FHIT: variants seen among roughly 807,000 people sequenced by gnomAD.
The protein encoded by FHIT is fragile histidine triad diadenosine triphosphatase.
A neutral mutation model predicts 17.9 loss-of-function variants in FHIT; 19 were observed. That is an observed-to-expected ratio of 1.06 (90% CI 0.74 to 1.56). FHIT has a LOEUF of 1.56. Ranked by LOEUF, FHIT falls within the 40% of genes most tolerant of loss-of-function variation. The pLI is 0.00. For synonymous variants in FHIT, 81 were observed against 69.7 expected, an observed-to-expected ratio of 1.16 and a Z score of -0.81; for missense variants, 248 against 189.2, an observed-to-expected ratio of 1.31 and a Z score of -1.82.
chr3:60,131,030 T>C (rs202099110), intron 5 of FHIT, among the ~76,000 whole-genome samples: 3,123 of 71,592 alleles, frequency 0.044, 114 homozygotes, highest in South Asian at 0.058. Context: ...CATATATACA[T>C]ATGTGTATAT....
intron 5 of FHIT, among the ~76,000 whole-genome samples, chr3:60,014,489 T>C (rs1308838961): frequency 6.6e-6 from 1 of 152,210 alleles, no homozygotes; most frequent in Non-Finnish European, 1.5e-5. Context: ...ACCCCTATTC[T>C]AAAGCTGTGT....
chr3:60,011,460 C>G, intron 6 of FHIT, 60 bp from the exon 7 acceptor site: 1 of 1,331,384 alleles, frequency 7.5e-7, no homozygotes, highest in Admixed American at 1.7e-5. Flanking sequence ...CCTGCTTATT[C>G]AGAAATATCA....
intron 4 of FHIT, among the ~76,000 whole-genome samples, chr3:60,688,182 A>G (rs1553698871): frequency 6.6e-6 from 1 of 152,188 alleles, no homozygotes; most frequent in East Asian, 1.9e-4. Flanking sequence ...CAATGCTTTC[A>G]CATTTATATT....
chr3:60,377,178 T>C (rs914417383), intron 5 of FHIT, among the ~76,000 whole-genome samples: 3 of 151,364 alleles, frequency 2.0e-5, no homozygotes, highest in Admixed American at 6.6e-5. Flanking sequence ...CAGTTCTGTT[T>C]ACATGCAACA....
At chr3:61,212,152 A>T (rs561325349) in intron 1 of FHIT, among the ~76,000 whole-genome samples, 1 of 152,358 alleles carries the variant, frequency 6.6e-6, no homozygotes, top group Non-Finnish European at 1.5e-5. Context: ...GCTGGATGGA[A>T]AATGACTTTG....
intron 5 of FHIT, among the ~76,000 whole-genome samples, chr3:60,268,516 A>G (rs1402933605): frequency 2.0e-5 from 3 of 152,250 alleles, no homozygotes; most frequent in East Asian, 1.9e-4. Context: ...GAGACCAGGA[A>G]GCTGGACATT....
In FHIT at chr3:61,135,739, C is replaced by T. The variant is rs1288181650; in HGVS notation, c.-164+64878G>A. 2.6e-5 allele frequency among the ~76,000 whole-genome samples: 4 copies of T among 152,100 alleles called. No homozygotes were observed. The East Asian group carries it at 5.8e-4, about 22-fold the overall frequency. On this transcript the variant is annotated intron_variant, in intron 2 of 9. Coordinates refer to ENST00000492590, the MANE Select transcript of FHIT (RefSeq NM_002012.4). ...GCACTTCTAGACTCTTTAATGAATACATTTATTTAAATTTTAAAAAATTTA... is the reference window on the plus strand; with the variant it reads ...GCACTTCTAGACTCTTTAATGAATATATTTATTTAAATTTTAAAAAATTTA...
intron 5 of FHIT, among the ~76,000 whole-genome samples, chr3:60,277,595 G>A (rs541546247): frequency 2.6e-4 from 39 of 152,096 alleles, no homozygotes; most frequent in Non-Finnish European, 4.7e-4. Context: ...CAGCTTCCTC[G>A]CATGTTATGT....
intron 5 of FHIT, among the ~76,000 whole-genome samples, chr3:60,051,135 G>C (rs1701860338): frequency 6.6e-6 from 1 of 152,052 alleles, no homozygotes; most frequent in Non-Finnish European, 1.5e-5. Context: ...GTACCTAATG[G>C]GGCCTTTGAG....
intron 1 of FHIT, among the ~76,000 whole-genome samples, chr3:61,211,460 C>T (rs528190140): frequency 2.0e-4 from 30 of 152,362 alleles, no homozygotes; most frequent in Non-Finnish European, 4.3e-4. Context: ...GGAGGGGCGC[C>T]CGCCATTGCC....
intron 2 of FHIT, among the ~76,000 whole-genome samples, chr3:61,186,122 G>C (rs898904030): frequency 3.9e-5 from 6 of 152,174 alleles, no homozygotes; most frequent in Non-Finnish European, 8.8e-5. Flanking sequence ...TGTACACAAT[G>C]CCCTGTAGCG....
At chr3:59,809,994 G>C (rs1430685822) in intron 8 of FHIT, among the ~76,000 whole-genome samples, 1 of 152,102 alleles carries the variant, frequency 6.6e-6, no homozygotes, top group African/African-American at 2.4e-5. Context: ...TCAGTTTTGA[G>C]AGATTGGAAC....
intron 5 of FHIT, among the ~76,000 whole-genome samples, chr3:60,150,916 C>G (rs1700436463): frequency 7.1e-6 from 1 of 140,562 alleles, no homozygotes; most frequent in Non-Finnish European, 1.5e-5. Flanking sequence ...TAGACTCCGC[C>G]TCAAAAAAAA....
chr3:59,857,893 C>T (rs1015371461), intron 8 of FHIT, among the ~76,000 whole-genome samples: 1 of 152,088 alleles, frequency 6.6e-6, no homozygotes, highest in South Asian at 2.1e-4. Context: ...AGGTAGTGAA[C>T]AAGCCTGGAT....
chr3:60,176,124 A>C (rs1701657390), intron 5 of FHIT, among the ~76,000 whole-genome samples: 1 of 152,174 alleles, frequency 6.6e-6, no homozygotes, highest in Non-Finnish European at 1.5e-5. Flanking sequence ...AGGCCAAGGA[A>C]GGTGGATCAC....
At chr3:60,304,574 A>G (rs1708591587) in intron 5 of FHIT, among the ~76,000 whole-genome samples, 1 of 152,136 alleles carries the variant, frequency 6.6e-6, no homozygotes, top group Non-Finnish European at 1.5e-5. Flanking sequence ...CTTATCTTTT[A>G]TCATCATAAA....
intron 4 of FHIT, among the ~76,000 whole-genome samples, chr3:60,671,335 A>G (rs17063778): frequency 0.067 from 10,128 of 152,184 alleles, 462 homozygotes; most frequent in African/African-American, 0.13. Context: ...TCAAAACACT[A>G]CCCCACTTCC....
chr3:61,208,418 A>G (rs564306316), intron 1 of FHIT, among the ~76,000 whole-genome samples: 25 of 152,228 alleles, frequency 1.6e-4, no homozygotes, highest in Admixed American at 5.2e-4. Flanking sequence ...GTGGGGTATT[A>G]AAGTCTCCCA....
At chr3:60,569,640 C>T (rs1045299631) in intron 4 of FHIT, among the ~76,000 whole-genome samples, 1 of 150,450 alleles carries the variant, frequency 6.6e-6, no homozygotes, top group African/African-American at 2.4e-5. Flanking sequence ...AGTCCCTCCC[C>T]TACATCTCAG....
Sources: allele counts gnomAD v4.1 joint callset (sites outside exome capture counted in the v4.1 genomes callset), GRCh38; gene constraint gnomAD v4.1.1; transcripts MANE v1.5; gene names NCBI Gene and HGNC (gene_info 2026-07-23, HGNC 2026-07-21).